The following SGCZ variants were observed in gnomAD, a reference collection of about 807,000 sequenced individuals.
SGCZ encodes sarcoglycan zeta.
SGCZ carries 40 observed loss-of-function variants against 41.3 expected under a neutral mutation model. The ratio of observed to expected loss-of-function variants is 0.97; its 90% CI spans 0.75 to 1.26. The LOEUF (loss-of-function observed/expected upper bound fraction) is 1.26, where lower values mean the gene tolerates loss of function less well. Ranked by LOEUF, SGCZ falls within the 50% of genes most tolerant of loss-of-function variation. The pLI is 0.00. For synonymous variants in SGCZ, 206 were observed against 137.5 expected (o/e 1.50, Z -3.49); for missense variants, 552 against 369.8 (o/e 1.49, Z -4.04).
chr8:14,525,751 T>A (rs1802928418), intron 2 of SGCZ, among the ~76,000 whole-genome samples: 1 of 152,116 alleles, frequency 6.6e-6, no homozygotes, highest in Non-Finnish European at 1.5e-5. Flanking sequence ...GATCAATCAC[T>A]GTTAAATTAC....
chr8:15,045,350 T>A (rs1254970517), intron 1 of SGCZ, among the ~76,000 whole-genome samples: 1 of 152,062 alleles, frequency 6.6e-6, no homozygotes, highest in African/African-American at 2.4e-5. Flanking sequence ...TGACTTTCTC[T>A]TATCCAGTGG....
At chr8:14,157,159 T>C (rs1238858070) in intron 5 of SGCZ, among the ~76,000 whole-genome samples, 1 of 151,884 alleles carries the variant, frequency 6.6e-6, no homozygotes, top group Non-Finnish European at 1.5e-5. Flanking sequence ...AGGATGCTTA[T>C]GACATCACTA....
chr8:14,272,724 AC>A (rs1334964574), intron 3 of SGCZ, among the ~76,000 whole-genome samples: 8 of 152,172 alleles, frequency 5.3e-5, no homozygotes, highest in Admixed American at 5.2e-4. Flanking sequence ...CTCTAAGTTT[AC>A]TTGAAAATAT....
intron 2 of SGCZ, among the ~76,000 whole-genome samples, chr8:14,550,224 A>G (rs561655746): frequency 2.0e-5 from 3 of 152,086 alleles, no homozygotes; most frequent in Non-Finnish European, 4.4e-5. Context: ...AAATAAATGA[A>G]TTACAGCTGC....
intron 1 of SGCZ, among the ~76,000 whole-genome samples, chr8:14,820,478 C>A (rs992954688): frequency 6.6e-6 from 1 of 151,944 alleles, no homozygotes; most frequent in Admixed American, 6.6e-5. Flanking sequence ...TTAAATTGTA[C>A]CATAAACCAA....
intron 1 of SGCZ, among the ~76,000 whole-genome samples, chr8:15,150,675 G>T (rs1438837777): frequency 6.6e-6 from 1 of 152,174 alleles, no homozygotes; most frequent in East Asian, 1.9e-4. Flanking sequence ...AGAAAAAATT[G>T]TATCAAGAGA....
At chr8:14,933,616 C>T (rs1046660904) in intron 1 of SGCZ, among the ~76,000 whole-genome samples, 1 of 151,670 alleles carries the variant, frequency 6.6e-6, no homozygotes, top group East Asian at 1.9e-4. Context: ...TTCTTTCTTT[C>T]TTTTTTCTGT....
At position 14,637,978 on chromosome 8, in the gene SGCZ, T is replaced by C. The variant is rs116137526; in HGVS notation, c.40-83052A>G. ...TTCTCCACAGCTTTGCCAGTATCTG[T>C]TATCCTTTGACATTTTAGTAATAGT... On this transcript the variant is annotated intron_variant, in intron 1 of 7. Coordinates refer to ENST00000382080, the MANE Select transcript of SGCZ (RefSeq NM_139167.4). Among the ~76,000 whole-genome samples, 628 of 152,020 alleles carry C rather than the reference T, an allele frequency of 4.1e-3. 6 individuals are homozygous for C. The highest frequency in any genetic ancestry group is 0.013 in the African/African-American group (520 of 41,514).
chr8:14,537,876 G>C (rs185847155), intron 2 of SGCZ, among the ~76,000 whole-genome samples: 19 of 151,880 alleles, frequency 1.3e-4, no homozygotes, highest in Non-Finnish European at 1.8e-4. Context: ...AAGGTGCATG[G>C]AGAAATGAAT....
intron 1 of SGCZ, among the ~76,000 whole-genome samples, chr8:14,633,406 T>C (rs1392371927): frequency 1.3e-5 from 2 of 151,984 alleles, no homozygotes; most frequent in African/African-American, 4.8e-5. Context: ...ATGCATAAAA[T>C]GTTCTTTTGA....
At chr8:14,281,138 A>T (rs866244899) in intron 3 of SGCZ, among the ~76,000 whole-genome samples, 2 of 151,948 alleles carry the variant, frequency 1.3e-5, no homozygotes, top group Admixed American at 6.6e-5. Context: ...TAGCTCTAGA[A>T]TTTTAAAAAA....
At chr8:14,411,271 T>C (rs73664360) in intron 2 of SGCZ, among the ~76,000 whole-genome samples, 17,479 of 152,178 alleles carry the variant, frequency 0.11, 2,027 homozygotes, top group African/African-American at 0.3. Context: ...TCATTCTATT[T>C]GTGCTCTTAA....
chr8:14,451,317 G>A (rs1467803203), intron 2 of SGCZ, among the ~76,000 whole-genome samples: 2 of 152,102 alleles, frequency 1.3e-5, no homozygotes, highest in Non-Finnish European at 2.9e-5. Flanking sequence ...AGTGATCTTA[G>A]AATAGAAAAG....
intron 4 of SGCZ, among the ~76,000 whole-genome samples, chr8:14,172,491 G>A (rs557963823): frequency 1.4e-4 from 22 of 152,264 alleles, no homozygotes; most frequent in South Asian, 4.1e-4. Flanking sequence ...CACGAACGGC[G>A]CCATGCCTCT....
At chr8:14,770,195 C>T (rs1302639282) in intron 1 of SGCZ, among the ~76,000 whole-genome samples, 1 of 150,960 alleles carries the variant, frequency 6.6e-6, no homozygotes, top group Non-Finnish European at 1.5e-5. Context: ...ATATTCATTA[C>T]ATAAGATTGT....
intron 1 of SGCZ, among the ~76,000 whole-genome samples, chr8:14,935,252 A>G (rs1208337880): frequency 6.6e-6 from 1 of 151,870 alleles, no homozygotes; most frequent in South Asian, 2.1e-4. Flanking sequence ...TAAATTTCAT[A>G]TACATGGTAT....
intron 1 of SGCZ, among the ~76,000 whole-genome samples, chr8:14,613,787 A>G (rs2117347641): frequency 6.6e-6 from 1 of 152,296 alleles, no homozygotes. Flanking sequence ...CAGGGGTTTA[A>G]TGAAGTTGGC....
intron 1 of SGCZ, among the ~76,000 whole-genome samples, chr8:14,803,127 G>A (rs559624760): frequency 6.6e-6 from 1 of 152,168 alleles, no homozygotes; most frequent in Non-Finnish European, 1.5e-5. Flanking sequence ...TATATGTTAA[G>A]GGGACTTGTA....
At chr8:14,470,395 C>T (rs999802789) in intron 2 of SGCZ, among the ~76,000 whole-genome samples, 10 of 152,014 alleles carry the variant, frequency 6.6e-5, no homozygotes, top group East Asian at 3.9e-4. Context: ...ATAATTTATT[C>T]ATCTCTATGA....
Sources: allele counts gnomAD v4.1 joint callset (sites outside exome capture counted in the v4.1 genomes callset), GRCh38; gene constraint gnomAD v4.1.1; transcripts MANE v1.5; gene names NCBI Gene and HGNC (gene_info 2026-07-23, HGNC 2026-07-21).